EP300: variants seen among roughly 807,000 people sequenced by gnomAD.
EP300 encodes the protein histone acetyltransferase p300.
A neutral mutation model predicts 264.0 loss-of-function variants in EP300; 31 were observed. The ratio of observed to expected loss-of-function variants is 0.12; its 90% CI spans 0.09 to 0.16. EP300 has a LOEUF of 0.16. Ranked by LOEUF, EP300 falls within the 10% of genes least tolerant of loss-of-function variation. The pLI is 1.00. For synonymous variants in EP300, 1,340 were observed against 1,045.4 expected (o/e 1.28, Z -5.44); for missense variants, 2,766 against 3,052.9 (o/e 0.91, Z 2.21).
chr22:41,105,221 AG>A (rs1569084031), intron 1 of EP300, among the ~76,000 whole-genome samples: 1 of 104,088 alleles, frequency 9.6e-6, no homozygotes, highest in Non-Finnish European at 2.1e-5. Flanking sequence ...AAAAAAAAAA[AG>A]CCGGGCGTGG....
chr22:41,106,391 A>G (rs925478995), intron 1 of EP300, among the ~76,000 whole-genome samples: 1 of 152,138 alleles, frequency 6.6e-6, no homozygotes, highest in African/African-American at 2.4e-5. Context: ...TTTTTAAAAA[A>G]TTCCAAATCT....
At chr22:41,121,566 A>G (rs1351710108) in intron 2 of EP300, among the ~76,000 whole-genome samples, 1 of 152,184 alleles carries the variant, frequency 6.6e-6, no homozygotes, top group Non-Finnish European at 1.5e-5. Context: ...CTGATCAGCA[A>G]TCAGTGTAGT....
intron 1 of EP300, among the ~76,000 whole-genome samples, chr22:41,099,007 T>C (rs1306190255): frequency 1.3e-5 from 2 of 152,198 alleles, no homozygotes; most frequent in African/African-American, 4.8e-5. Flanking sequence ...GTTAACTGTT[T>C]TTAACTTTAC....
chr22:41,176,607 G>C (rs2145514389), intron 30 of EP300, 79 bp downstream of exon 30: 2 of 1,608,558 alleles, frequency 1.2e-6, no homozygotes, highest in East Asian at 2.2e-5. Context: ...GTATTTTATA[G>C]AGGCCTGTGG....
chr22:41,125,853 C>CT lies in EP300; in HGVS notation c.730-9dup, dbSNP rs767989558. The CT allele has an allele frequency of 3.2e-6, 5 of 1,576,776 alleles. 1 individual carries two copies. The South Asian group carries it at 5.6e-5, about 18-fold the overall frequency. Reference sequence around the variant, plus strand: ...TTGCTTATTTTGTTTTCTTTTGTTTCTTACTCTTAGATGGGAATGATGAAC... The same window carrying CT: ...TTGCTTATTTTGTTTTCTTTTGTTTCTTTACTCTTAGATGGGAATGATGAAC... On this transcript the variant is annotated splice_polypyrimidine_tract_variant and intron_variant, in intron 2 of 30. Transcript: ENST00000263253.
chr22:41,154,349 CCT>C, intron 16 of EP300, among the ~76,000 whole-genome samples: 1 of 142,050 alleles, frequency 7.0e-6, no homozygotes, highest in African/African-American at 2.6e-5. Flanking sequence ...ACTGCATCTC[CCT>C]CTTAACACGA....
At chr22:41,098,355 A>G (rs781501136) in intron 1 of EP300, among the ~76,000 whole-genome samples, 81 of 152,146 alleles carry the variant, frequency 5.3e-4, no homozygotes, top group Non-Finnish European at 1.1e-3. Flanking sequence ...TTTTTTATAA[A>G]TGTCCCAAAG....
Position 41,177,282 on chromosome 22 carries a change from A to G in EP300, c.5571A>G (p.Thr1857=). ...CCCCCACTCCTGCCACTCCAACGACACCAACTGGCCAACAGCCAACCACCC... is the reference window on the plus strand; with the variant it reads ...CCCCCACTCCTGCCACTCCAACGACGCCAACTGGCCAACAGCCAACCACCC... ...LPSPTPATPT[T]PTGQQPTTPQ... is the part of the protein sequence containing the mutation. Residue 1857 remains threonine, a synonymous_variant, in exon 31 of 31, where the codon ACA becomes ACG. Coordinates refer to ENST00000263253, the MANE Select transcript of EP300 (RefSeq NM_001429.4). The G allele has an allele frequency of 6.2e-7, 1 of 1,613,734 alleles. No individual in the cohort carries two copies. Among genetic ancestry groups the G allele is most frequent in the East Asian group, 2.2e-5 (1 of 44,846 alleles).
At chr22:41,172,370 G>A (rs2059175672) in intron 27 of EP300, 129 bp from the exon 28 acceptor site, 1 of 807,410 alleles carries the variant, frequency 1.2e-6, no homozygotes, top group Non-Finnish European at 2.0e-6. Context: ...TTACGGCTTA[G>A]GTATAAAGTC....
chr22:41,152,512 TTTC>T (rs2059052573), intron 16 of EP300, among the ~76,000 whole-genome samples, 162 bp downstream of exon 16: 1 of 151,642 alleles, frequency 6.6e-6, no homozygotes, highest in African/African-American at 2.4e-5. Flanking sequence ...ATAATTTTTC[TTTC>T]TTTTTTTTTT....
At chr22:41,145,859 TCTC>T (rs1162281585) in intron 10 of EP300, among the ~76,000 whole-genome samples, 1 of 151,936 alleles carries the variant, frequency 6.6e-6, no homozygotes, top group Non-Finnish European at 1.5e-5. Flanking sequence ...ATGGTCTCGA[TCTC>T]CTGACCTCGT....
At chr22:41,151,526 G>T (rs1164202224) in intron 14 of EP300, among the ~76,000 whole-genome samples, 6 of 152,078 alleles carry the variant, frequency 3.9e-5, no homozygotes, top group Admixed American at 3.9e-4. Context: ...CTGTATAAAT[G>T]TGAGCTCCTC....
chr22:41,162,872 A>G lies in EP300; in HGVS notation c.3728+93A>G, dbSNP rs2059115381. On this transcript the variant is annotated intron_variant, in intron 21 of 30. Transcript: ENST00000263253. Reference sequence around the variant, plus strand: ...TTTGCATGACCAATCAGATGATCCTATATTCTTGGGCTAAATCTACATAAC... The same window carrying G: ...TTTGCATGACCAATCAGATGATCCTGTATTCTTGGGCTAAATCTACATAAC... 9 of 1,081,834 alleles carry G rather than the reference A, an allele frequency of 8.3e-6. No individual in the cohort carries two copies. The East Asian group carries it at 9.4e-5, about 11-fold the overall frequency. 67.0% of individuals were successfully genotyped at this position (1,081,834 alleles called of 1,614,324 possible).
chr22:41,153,543 A>C (rs541702500), intron 16 of EP300, among the ~76,000 whole-genome samples: 2 of 152,218 alleles, frequency 1.3e-5, no homozygotes, highest in Non-Finnish European at 2.9e-5. Flanking sequence ...TGAGGTCAGG[A>C]GTTCAAGACC....
chr22:41,141,795 G>C (rs993846087), intron 10 of EP300, among the ~76,000 whole-genome samples: 5 of 151,724 alleles, frequency 3.3e-5, no homozygotes, highest in African/African-American at 1.2e-4. Context: ...TCCCACCTCA[G>C]CCTTCCGAGT....
chr22:41,179,545 A>AG lies in EP300; in HGVS notation c.*589_*590insG, dbSNP rs1400114865. ...TTTAAAAAATGTTTAAAAAAAAAAA[A>AG]AAACTGCCTTTCTTCCCCTCAAGTC... is the stretch of plus-strand genomic sequence containing the variant. On this transcript the variant is annotated 3_prime_UTR_variant, in exon 31 of 31. Coordinates refer to ENST00000263253, the MANE Select transcript of EP300 (RefSeq NM_001429.4). 2 of 193,086 alleles carry AG rather than the reference A, an allele frequency of 1.0e-5. No individual in the cohort carries two copies. Among genetic ancestry groups the AG allele is most frequent in the Admixed American group, 6.2e-5 (1 of 16,110 alleles). The allele number at this position is 193,086 out of a possible 1,614,324, so 12.0% of individuals were successfully genotyped here. A position where few individuals can be genotyped will look rare whatever the true frequency, so the allele number is the denominator to read the frequency against.
chr22:41,171,258 C>T (rs1358327502), intron 27 of EP300, among the ~76,000 whole-genome samples: 1 of 151,664 alleles, frequency 6.6e-6, no homozygotes, highest in African/African-American at 2.4e-5. Flanking sequence ...CAGGCATGAG[C>T]CACTGTGCCC....
rs2145726444 is a variant in EP300 at position 41,141,200 on chromosome 22, G to A, written c.2031G>A (p.Gln677=). 1 of 1,614,176 alleles carries A rather than the reference G, an allele frequency of 6.2e-7. No individual in the cohort carries two copies. Among genetic ancestry groups the A allele is most frequent in the Non-Finnish European group, 8.5e-7 (1 of 1,180,020 alleles). ...VSMNPGPNMG[Q]PQPGMTSNGP... is the part of the protein sequence containing the mutation. ...TGAATCCAGGGCCTAACATGGGACA[G>A]CCGCAACCAGGAATGACTTCTAGTA... Residue 677 remains glutamine (Q), a synonymous_variant, in exon 10 of 31, where the codon CAG becomes CAA. Coordinates refer to ENST00000263253, the MANE Select transcript of EP300 (RefSeq NM_001429.4).
Position 41,175,891 on chromosome 22 carries a change from G to A in EP300, c.4780-356G>A, listed in dbSNP as rs902962792. Among the ~76,000 whole-genome samples the A allele has an allele frequency of 2.6e-5, 4 of 152,318 alleles. No homozygotes were observed. The South Asian group carries it at 6.2e-4, about 24-fold the overall frequency. Reference sequence around the variant, plus strand: ...TAAAGCAGGAAAAGGAACAGGAGGCGTATGGTGGTGAAACTAACTCAGCAT... The same window carrying A: ...TAAAGCAGGAAAAGGAACAGGAGGCATATGGTGGTGAAACTAACTCAGCAT... On this transcript the variant is annotated intron_variant, in intron 29 of 30. Coordinates refer to ENST00000263253, the MANE Select transcript of EP300 (RefSeq NM_001429.4).
Sources: allele counts gnomAD v4.1 joint callset (sites outside exome capture counted in the v4.1 genomes callset), GRCh38; gene constraint gnomAD v4.1.1; transcripts MANE v1.5; gene names NCBI Gene and HGNC (gene_info 2026-07-23, HGNC 2026-07-21).